Variants in MARCHF2 observed in about 807,000 individuals in gnomAD.
The protein encoded by MARCHF2 is membrane associated ring-CH-type finger 2.
In MARCHF2, 22 loss-of-function variants were observed where a neutral mutation model predicts 24.0. The ratio of observed to expected loss-of-function variants is 0.92; its 90% CI spans 0.66 to 1.31. The LOEUF (loss-of-function observed/expected upper bound fraction) is 1.31. MARCHF2 is among the 50% of genes most tolerant of loss of function. MARCHF2 has a pLI of 0.00. For missense variants in MARCHF2, 301 were observed against 335.3 expected (o/e 0.90, Z 0.80); for synonymous variants, 154 against 153.0 (o/e 1.01, Z -0.05).
At chr19:8,417,976 C>T (rs1354214838) in intron 1 of MARCHF2, among the ~76,000 whole-genome samples, 2 of 150,436 alleles carry the variant, frequency 1.3e-5, no homozygotes, top group Non-Finnish European at 1.5e-5. Flanking sequence ...TGTGGTCAGG[C>T]TCGTCTTGAA....
At chr19:8,428,679 A>AC (rs749851456) in intron 3 of MARCHF2, among the ~76,000 whole-genome samples, 4 of 128,312 alleles carry the variant, frequency 3.1e-5, no homozygotes, top group South Asian at 2.5e-4. Context: ...AAAAAAAAAA[A>AC]AAAACCAAGG....
chr19:8,438,539 C>T lies in MARCHF2; in HGVS notation c.734C>T (p.Pro245Leu). The T allele has an allele frequency of 6.2e-7, 1 of 1,613,972 alleles. No individual in the cohort carries two copies. The highest frequency in any genetic ancestry group is 2.2e-5 in the East Asian group (1 of 44,870). The change falls in exon 5 of 5, where the codon CCA (proline) becomes CTA (leucine). Residue 245 changes from proline to leucine, a missense_variant. Physicochemically the swap from Pro to Leu is moderately conservative, Grantham distance 98. Coordinates refer to ENST00000215555, the MANE Select transcript of MARCHF2 (RefSeq NM_001005415.2). Reference sequence around the variant, plus strand: ...CTGAAGAAGGTGGCAGAGGAGACACCAGTATGAATGCTGGGCTCTCCGGAC... The same window carrying T: ...CTGAAGAAGGTGGCAGAGGAGACACTAGTATGAATGCTGGGCTCTCCGGAC... ...GLLKKVAEET[P>L]V
At chr19:8,435,451 T>G (rs879683168) in intron 4 of MARCHF2, among the ~76,000 whole-genome samples, 43 of 152,152 alleles carry the variant, frequency 2.8e-4, no homozygotes, top group Admixed American at 7.2e-4. Context: ...CCCCCACTAT[T>G]AACATCGTTT....
At chr19:8,426,043 C>A (rs934879089) in intron 2 of MARCHF2, among the ~76,000 whole-genome samples, 4 of 150,862 alleles carry the variant, frequency 2.7e-5, no homozygotes, top group Admixed American at 2.0e-4. Context: ...CTGGCTAACA[C>A]GGTGAAACCC....
intron 1 of MARCHF2, among the ~76,000 whole-genome samples, chr19:8,415,545 C>A (rs1432446831): frequency 6.6e-6 from 1 of 151,068 alleles, no homozygotes; most frequent in Non-Finnish European, 1.5e-5. Flanking sequence ...ATGGTGAAAC[C>A]CCGTCTCTAC....
rs766734012 is a variant in MARCHF2, at chr19:8,426,645, G to A, written c.213G>A (p.Ala71=). ...TCTGCCGGATCTGCCATGAGGGAGC[G>A]AACGGGGAGTGCTTGCTGTCCCCGT... ...GPFCRICHEG[A]NGECLLSPCG... is the part of the protein sequence containing the mutation. Residue 71 remains alanine (A), a synonymous_variant, in exon 3 of 5, where the codon GCG becomes GCA. Coordinates refer to ENST00000215555, the MANE Select transcript of MARCHF2 (RefSeq NM_001005415.2). 32 of 1,613,962 alleles carry A rather than the reference G, an allele frequency of 2.0e-5. No homozygotes were observed. The South Asian group carries it at 2.6e-4, about 13-fold the overall frequency.
chr19:8,416,858 G>A (rs936508034), intron 1 of MARCHF2, among the ~76,000 whole-genome samples: 21 of 152,216 alleles, frequency 1.4e-4, no homozygotes, highest in East Asian at 1.2e-3. Context: ...GAGCCAATGC[G>A]CCAGGCCCCA....
At chr19:8,422,658 GCTGGGATTATAAGTGTGAGCCA>G (rs1301553079) in intron 2 of MARCHF2, among the ~76,000 whole-genome samples, 1 of 149,056 alleles carries the variant, frequency 6.7e-6, no homozygotes, top group Non-Finnish European at 1.5e-5. Context: ...CTCCCAAACT[GCTGGGATTATAAGTGTGAGCCA>G]CCGTGCCCAG....
At chr19:8,418,427 C>T (rs1025260291) in intron 1 of MARCHF2, 16 of 152,528 alleles carry the variant, frequency 1.0e-4, no homozygotes. Flanking sequence ...AGTGAACCGT[C>T]CTAGCGCAAG....
At chr19:8,435,762 A>C in intron 4 of MARCHF2, among the ~76,000 whole-genome samples, 1 of 148,004 alleles carries the variant, frequency 6.8e-6, no homozygotes, top group African/African-American at 2.5e-5. Flanking sequence ...CTGGTCTTAA[A>C]CTCCTGGGCT....
intron 4 of MARCHF2, among the ~76,000 whole-genome samples, chr19:8,432,954 C>T (rs1967619553): frequency 6.6e-6 from 1 of 152,012 alleles, no homozygotes; most frequent in Admixed American, 6.6e-5. Flanking sequence ...CATGGTGACT[C>T]ACGCCTGTAA....
intron 2 of MARCHF2, among the ~76,000 whole-genome samples, chr19:8,422,400 C>CTT (rs375362572): frequency 6.7e-6 from 1 of 149,112 alleles, no homozygotes; most frequent in Non-Finnish European, 1.5e-5. Flanking sequence ...CTGTATCTCT[C>CTT]TTTTTTTTTT....
intron 3 of MARCHF2, among the ~76,000 whole-genome samples, chr19:8,429,136 G>C (rs1186301600): frequency 7.1e-6 from 1 of 141,648 alleles, no homozygotes; most frequent in East Asian, 2.0e-4. Context: ...TGCATCTGCC[G>C]CCCCTGCAGC....
rs566160942 is a variant in MARCHF2 at position 8,430,984 on chromosome 19, G to T, written c.582+117G>T. The T allele has an allele frequency of 8.2e-4, 851 of 1,034,210 alleles. 7 individuals carry two copies. Among genetic ancestry groups the T allele is most frequent in the South Asian group, 3.4e-3 (213 of 62,638 alleles). The allele number at this position is 1,034,210 out of a possible 1,614,324, so 64.1% of individuals were successfully genotyped here. ...GGCTCCCTGGCTGCCTCTGTCTATGGCCGTGGGTGGAAGAGAGCTTCTGAG... is the reference window on the plus strand; with the variant it reads ...GGCTCCCTGGCTGCCTCTGTCTATGTCCGTGGGTGGAAGAGAGCTTCTGAG... On this transcript the variant is annotated intron_variant, in intron 4 of 4. Transcript: ENST00000215555. This position sits in a 1 kb window ranked among gnomAD's most constrained non-coding sequence, Gnocchi z 4.4.
intron 1 of MARCHF2, among the ~76,000 whole-genome samples, chr19:8,417,665 T>A (rs1390469748): frequency 6.6e-6 from 1 of 150,876 alleles, no homozygotes; most frequent in African/African-American, 2.4e-5. Flanking sequence ...CTCGAACTCC[T>A]GACTTCAGGT....
chr19:8,426,690 G>T lies in MARCHF2; in HGVS notation c.258G>T (p.Leu86=). ...CCCCGTGTGGCTGCACCGGCACGCTGGGTGCCGTGCATAAGAGCTGTCTGG... is the reference window on the plus strand; with the variant it reads ...CCCCGTGTGGCTGCACCGGCACGCTTGGTGCCGTGCATAAGAGCTGTCTGG... ...LLSPCGCTGT[L]GAVHKSCLEK... Residue 86 remains leucine, a synonymous_variant, in exon 3 of 5, where the codon CTG becomes CTT. Transcript: ENST00000215555. 6.2e-7 allele frequency: 1 copy of T among 1,613,904 alleles called. No homozygotes were observed. Among genetic ancestry groups the T allele is most frequent in the Non-Finnish European group, 8.5e-7 (1 of 1,179,992 alleles).
chr19:8,425,767 C>T (rs186336116), intron 2 of MARCHF2, among the ~76,000 whole-genome samples: 21 of 151,998 alleles, frequency 1.4e-4, no homozygotes, highest in Admixed American at 2.6e-4. Flanking sequence ...CAGGCACCTA[C>T]CACCACGCCC....
At chr19:8,428,991 T>A (rs1967499697) in intron 3 of MARCHF2, among the ~76,000 whole-genome samples, 1 of 141,088 alleles carries the variant, frequency 7.1e-6, no homozygotes, top group Non-Finnish European at 1.5e-5. Context: ...GGAGCCAGAG[T>A]GTAGGGAGAA....
intron 1 of MARCHF2, among the ~76,000 whole-genome samples, chr19:8,418,063 C>A (rs1196478292): frequency 6.6e-6 from 1 of 151,920 alleles, no homozygotes; most frequent in East Asian, 1.9e-4. Flanking sequence ...CACGCCCGGC[C>A]AAGACCCTGT....
Sources: allele counts gnomAD v4.1 joint callset (sites outside exome capture counted in the v4.1 genomes callset), GRCh38; gene constraint gnomAD v4.1.1; non-coding constraint Gnocchi (gnomAD v3.1); transcripts MANE v1.5; gene names NCBI Gene and HGNC (gene_info 2026-07-23, HGNC 2026-07-21).